Variants in NKAIN2 observed in about 807,000 individuals in gnomAD.
NKAIN2 encodes the protein sodium/potassium transporting ATPase interacting 2.
NKAIN2 carries 14 observed loss-of-function variants against 32.6 expected under a neutral mutation model. That is an observed-to-expected ratio of 0.43 (90% CI 0.28 to 0.67). The LOEUF (loss-of-function observed/expected upper bound fraction) is 0.67, where lower values mean the gene tolerates loss of function less well. Ranked by LOEUF, NKAIN2 falls within the 30% of genes least tolerant of loss-of-function variation. NKAIN2 has a pLI of 0.17. For synonymous variants in NKAIN2, 80 were observed against 87.2 expected (o/e 0.92, Z 0.46); for missense variants, 198 against 258.3 (o/e 0.77, Z 1.60).
In NKAIN2 at chr6:124,094,196, C is replaced by A. The variant is rs182460630; in HGVS notation, c.55-188809C>A. On this transcript the variant is annotated intron_variant, in intron 1 of 6. Transcript: ENST00000368417. ...ACAATACTTTTTATCTCTCCTAATG[C>A]ACTGTGACCTATAACACTCTACTGG... Among the ~76,000 whole-genome samples the A allele has an allele frequency of 2.1e-3, 313 of 152,228 alleles. 1 individual carries two copies. Among genetic ancestry groups the A allele is most frequent in the African/African-American group, 7.3e-3 (305 of 41,552 alleles).
At chr6:123,933,672 T>C (rs1267351775) in intron 1 of NKAIN2, among the ~76,000 whole-genome samples, 2 of 152,226 alleles carry the variant, frequency 1.3e-5, no homozygotes, top group Non-Finnish European at 2.9e-5. Flanking sequence ...AGAATGCCAT[T>C]GCTTCCTTTC....
intron 4 of NKAIN2, among the ~76,000 whole-genome samples, chr6:124,664,046 G>C (rs1425600574): frequency 6.6e-6 from 1 of 152,018 alleles, no homozygotes; most frequent in African/African-American, 2.4e-5. Context: ...AGGCTGAGGA[G>C]GGTGGATCAC....
chr6:124,059,253 T>G (rs951925959), intron 1 of NKAIN2, among the ~76,000 whole-genome samples: 1 of 152,110 alleles, frequency 6.6e-6, no homozygotes, highest in Non-Finnish European at 1.5e-5. Flanking sequence ...CTCTACAAGC[T>G]TCTATGTAAT....
chr6:123,920,748 A>G (rs535251755), intron 1 of NKAIN2, among the ~76,000 whole-genome samples: 2 of 152,318 alleles, frequency 1.3e-5, no homozygotes, highest in African/African-American at 4.8e-5. Context: ...TTTTGACTTC[A>G]TTGGCCCTCT....
chr6:123,917,652 T>A (rs1775562954), intron 1 of NKAIN2, among the ~76,000 whole-genome samples: 1 of 152,052 alleles, frequency 6.6e-6, no homozygotes, highest in African/African-American at 2.4e-5. Context: ...CTTTTCTACA[T>A]CCCTTCCTAT....
rs570675279 is a variant in NKAIN2 at position 124,649,313 on chromosome 6, G to A, written c.274-8873G>A. Among the ~76,000 whole-genome samples, 3 of 152,154 alleles carry A rather than the reference G, an allele frequency of 2.0e-5. No individual in the cohort carries two copies. The South Asian group carries it at 6.2e-4, about 32-fold the overall frequency. On this transcript the variant is annotated intron_variant, in intron 3 of 6. Transcript: ENST00000368417. ...AATATAACTACAGATATCTGGACAAGAAAGGATAATAATGGTATATTGTTA... is the reference window on the plus strand; with the variant it reads ...AATATAACTACAGATATCTGGACAAAAAAGGATAATAATGGTATATTGTTA...
intron 1 of NKAIN2, among the ~76,000 whole-genome samples, chr6:124,207,868 G>T (rs919143672): frequency 2.6e-5 from 4 of 151,812 alleles, no homozygotes; most frequent in African/African-American, 9.7e-5. Flanking sequence ...AATTTGAGAT[G>T]CAGACAATTA....
intron 1 of NKAIN2, among the ~76,000 whole-genome samples, chr6:124,246,771 A>T (rs1582919139): frequency 1.3e-5 from 2 of 152,042 alleles, no homozygotes; most frequent in African/African-American, 2.4e-5. Flanking sequence ...TCTCTCCCTC[A>T]CAAGGTTTTT....
intron 3 of NKAIN2, among the ~76,000 whole-genome samples, chr6:124,366,258 C>A (rs1799512926): frequency 6.6e-6 from 1 of 151,986 alleles, no homozygotes; most frequent in South Asian, 2.1e-4. Context: ...AGTAAAATCA[C>A]CTTTTGCTAA....
chr6:124,652,938 A>G (rs1394523029), intron 3 of NKAIN2, among the ~76,000 whole-genome samples: 1 of 152,220 alleles, frequency 6.6e-6, no homozygotes, highest in African/African-American at 2.4e-5. Context: ...GGATACATTC[A>G]AACTACAGCA....
chr6:124,378,932 T>TTC (rs2114359871), intron 3 of NKAIN2, among the ~76,000 whole-genome samples: 1 of 148,634 alleles, frequency 6.7e-6, no homozygotes, highest in South Asian at 2.2e-4. Flanking sequence ...ACTCTACATT[T>TTC]TTTTTTTTTA....
chr6:123,921,393 G>A (rs866297972), intron 1 of NKAIN2, among the ~76,000 whole-genome samples: 23 of 152,156 alleles, frequency 1.5e-4, no homozygotes, highest in Non-Finnish European at 2.4e-4. Context: ...GAAATAATCA[G>A]CAAATGATTT....
At chr6:123,856,941 A>G (rs1041864122) in intron 1 of NKAIN2, among the ~76,000 whole-genome samples, 1 of 152,254 alleles carries the variant, frequency 6.6e-6, no homozygotes, top group African/African-American at 2.4e-5. Flanking sequence ...CAACAACATA[A>G]GACACAGTGG....
At chr6:124,686,465 G>C (rs1773884374) in intron 4 of NKAIN2, among the ~76,000 whole-genome samples, 1 of 152,010 alleles carries the variant, frequency 6.6e-6, no homozygotes, top group African/African-American at 2.4e-5. Flanking sequence ...GGAAAGGGGA[G>C]GGGTGCTACA....
intron 1 of NKAIN2, among the ~76,000 whole-genome samples, chr6:124,093,807 A>G (rs1784531091): frequency 6.6e-6 from 1 of 152,082 alleles, no homozygotes; most frequent in African/African-American, 2.4e-5. Context: ...CTGCAGCCTG[A>G]TTTCCACCAC....
At chr6:124,779,148 G>C (rs2114778949) in intron 4 of NKAIN2, among the ~76,000 whole-genome samples, 1 of 151,986 alleles carries the variant, frequency 6.6e-6, no homozygotes, top group African/African-American at 2.4e-5. Context: ...GTTTTGAGAT[G>C]TGGGAGAATC....
At chr6:123,886,950 T>C (rs1352679) in intron 1 of NKAIN2, among the ~76,000 whole-genome samples, 23,661 of 152,120 alleles carry the variant, frequency 0.16, 1,983 homozygotes, top group Non-Finnish European at 0.18. Context: ...TGAGGCAATG[T>C]ATTGGAATGC....
At chr6:123,971,981 CACCCCTGAA>C (rs1025729121) in intron 1 of NKAIN2, among the ~76,000 whole-genome samples, 1 of 152,130 alleles carries the variant, frequency 6.6e-6, no homozygotes, top group African/African-American at 2.4e-5. Context: ...CTGCCTCTGC[CACCCCTGAA>C]ACAGTAAGAC....
intron 1 of NKAIN2, among the ~76,000 whole-genome samples, chr6:123,969,309 A>G (rs559904943): frequency 6.6e-6 from 1 of 152,258 alleles, no homozygotes; most frequent in Non-Finnish European, 1.5e-5. Flanking sequence ...TTTTATAAGG[A>G]ATAAGGATGG....
Sources: allele counts gnomAD v4.1 joint callset (sites outside exome capture counted in the v4.1 genomes callset), GRCh38; gene constraint gnomAD v4.1.1; transcripts MANE v1.5; gene names NCBI Gene and HGNC (gene_info 2026-07-23, HGNC 2026-07-21).